The following GPR63 variants were observed in gnomAD, a reference collection of about 807,000 sequenced individuals.
GPR63 encodes the protein probable G protein-coupled receptor 63.
A neutral mutation model predicts 23.1 loss-of-function variants in GPR63; 12 were observed. The ratio of observed to expected loss-of-function variants is 0.52; its 90% CI spans 0.33 to 0.84. The LOEUF is 0.84. Ranked by LOEUF, GPR63 falls within the 40% of genes least tolerant of loss-of-function variation. The pLI is 0.02. For synonymous variants in GPR63, 172 were observed against 191.1 expected, an observed-to-expected ratio of 0.90 and a Z score of 0.82; for missense variants, 472 against 515.6, an observed-to-expected ratio of 0.92 and a Z score of 0.82.
intron 1 of GPR63, among the ~76,000 whole-genome samples, chr6:96,810,600 G>A (rs1774018068): frequency 6.6e-6 from 1 of 151,616 alleles, no homozygotes; most frequent in Admixed American, 6.6e-5. Flanking sequence ...AATAGTGACA[G>A]CAGAGAATGT....
At chr6:96,832,706 G>A (rs1774619856) in intron 1 of GPR63, among the ~76,000 whole-genome samples, 1 of 151,890 alleles carries the variant, frequency 6.6e-6, no homozygotes, top group African/African-American at 2.4e-5. Flanking sequence ...ATATTTGGGT[G>A]ATGAAATAAT....
chr6:96,836,849 T>C (rs1455696481), intron 1 of GPR63, among the ~76,000 whole-genome samples: 1 of 152,068 alleles, frequency 6.6e-6, no homozygotes, highest in Non-Finnish European at 1.5e-5. Context: ...GACCACCGTG[T>C]AAAAGTTCAA....
chr6:96,800,170 A>G (rs549920992), intron 1 of GPR63, among the ~76,000 whole-genome samples: 6 of 152,352 alleles, frequency 3.9e-5, no homozygotes, highest in African/African-American at 1.4e-4. Context: ...TAATTTTTAA[A>G]ATATTTCCAG....
In GPR63 at chr6:96,798,578, A is replaced by C; in HGVS notation, c.1154T>G (p.Met385Arg). The part of the protein sequence containing the change: ...IKKFHDACLD[M>R]MPKSFKFLPQ... ...CAAAAACTTGAAGGACTTAGGCATCATGTCCAGGCAAGCATCATGGAATTT... is the reference window on the plus strand; with the variant it reads ...CAAAAACTTGAAGGACTTAGGCATCCTGTCCAGGCAAGCATCATGGAATTT... The change falls in exon 2 of 2, where the codon ATG becomes AGG. Residue 385 changes from methionine to arginine, a missense_variant. Transcript: ENST00000229955. 6.2e-7 allele frequency: 1 copy of C among 1,614,220 alleles called. No homozygotes were observed. The highest frequency in any genetic ancestry group is 8.5e-7 in the Non-Finnish European group (1 of 1,180,040).
rs1265290976 is a variant in GPR63, at chr6:96,797,252, T to C, written c.*1220A>G. The C allele has an allele frequency of 6.6e-6, 1 of 152,184 alleles. No individual in the cohort carries two copies. The highest frequency in any genetic ancestry group is 1.5e-5 in the Non-Finnish European group (1 of 68,034). 9.4% of individuals were successfully genotyped at this position (152,184 alleles called of 1,614,324 possible). A position where few individuals can be genotyped will look rare whatever the true frequency, so the allele number is the denominator to read the frequency against. On this transcript the variant is annotated 3_prime_UTR_variant, in exon 2 of 2. Transcript: ENST00000229955. Reference sequence around the variant, plus strand: ...AAAAACAAAAAGTGGTTGTAAGTGATTTTATTTTTTCTTTTCTATTTTCCA... The same window carrying C: ...AAAAACAAAAAGTGGTTGTAAGTGACTTTATTTTTTCTTTTCTATTTTCCA...
chr6:96,811,080 G>C (rs112060387), intron 1 of GPR63, among the ~76,000 whole-genome samples: 1 of 152,098 alleles, frequency 6.6e-6, no homozygotes, highest in South Asian at 2.1e-4. Flanking sequence ...GCAGGACCTG[G>C]GTTCAAGCTT....
At position 96,825,931 on chromosome 6, in the gene GPR63, G is replaced by C. The variant is rs559375080; in HGVS notation, c.-151+11337C>G. The stretch of plus-strand genomic sequence containing the variant: ...TAACTAACTGTTCATCATAACCAAG[G>C]CTGCATCCACATCACCATATCATGT... On this transcript the variant is annotated intron_variant, in intron 1 of 1. Transcript: ENST00000229955. 2.0e-5 allele frequency among the ~76,000 whole-genome samples: 3 copies of C among 151,640 alleles called. No individual in the cohort carries two copies. The South Asian group carries it at 6.2e-4, about 32-fold the overall frequency.
At chr6:96,810,873 T>C (rs1774025329) in intron 1 of GPR63, among the ~76,000 whole-genome samples, 1 of 152,218 alleles carries the variant, frequency 6.6e-6, no homozygotes, top group African/African-American at 2.4e-5. Context: ...ATATTGATCT[T>C]GTACTATTCT....
intron 1 of GPR63, among the ~76,000 whole-genome samples, chr6:96,819,952 G>A (rs1298756314): frequency 8.1e-6 from 1 of 123,090 alleles, no homozygotes; most frequent in African/African-American, 3.3e-5. Flanking sequence ...TCCAGCCTGG[G>A]CAACACAGCG....
chr6:96,815,014 G>T (rs1774128717), intron 1 of GPR63, among the ~76,000 whole-genome samples: 1 of 152,164 alleles, frequency 6.6e-6, no homozygotes, highest in African/African-American at 2.4e-5. Flanking sequence ...CAAACACTAT[G>T]GATAAACTAT....
chr6:96,805,872 T>G (rs896084050), intron 1 of GPR63, among the ~76,000 whole-genome samples: 1 of 152,240 alleles, frequency 6.6e-6, no homozygotes, highest in African/African-American at 2.4e-5. Context: ...TCTTTGGCTT[T>G]GTACAAAACA....
intron 1 of GPR63, among the ~76,000 whole-genome samples, chr6:96,823,609 T>C (rs6568620): frequency 0.36 from 54,742 of 151,928 alleles, 10,428 homozygotes; most frequent in African/African-American, 0.48. Context: ...AATTTAGTGT[T>C]ACCTAGGTAT....
intron 1 of GPR63, among the ~76,000 whole-genome samples, chr6:96,831,381 A>G (rs1483959744): frequency 6.6e-6 from 1 of 151,732 alleles, no homozygotes; most frequent in African/African-American, 2.4e-5. Context: ...GCACTAGACA[A>G]TCAGGTCTGG....
rs532866431 is a variant in GPR63 at position 96,798,128 on chromosome 6, G to A, written c.*344C>T. 9.4e-5 allele frequency: 19 copies of A among 202,400 alleles called. No homozygotes were observed. The highest frequency in any genetic ancestry group is 1.8e-4 in the Non-Finnish European group (18 of 98,496). The allele number at this position is 202,400 out of a possible 1,614,324, so 12.5% of individuals were successfully genotyped here. On this transcript the variant is annotated 3_prime_UTR_variant, in exon 2 of 2. Transcript: ENST00000229955. ...AAACTCAAATAAGCATACCTTAGCA[G>A]CACACGAAACACCTACAATTCAATG...
At chr6:96,831,890 G>A (rs1323082513) in intron 1 of GPR63, among the ~76,000 whole-genome samples, 2 of 151,302 alleles carry the variant, frequency 1.3e-5, no homozygotes, top group African/African-American at 2.4e-5. Flanking sequence ...TGGGCAACAC[G>A]GTGAGACTCT....
At chr6:96,822,666 T>C (rs773959104) in intron 1 of GPR63, among the ~76,000 whole-genome samples, 5 of 152,204 alleles carry the variant, frequency 3.3e-5, no homozygotes, top group Non-Finnish European at 2.9e-5. Context: ...AAGCACCTGC[T>C]CTAAGCCAGC....
At chr6:96,809,230 C>T (rs976770215) in intron 1 of GPR63, among the ~76,000 whole-genome samples, 1 of 152,122 alleles carries the variant, frequency 6.6e-6, no homozygotes, top group Non-Finnish European at 1.5e-5. Context: ...CCATCTCTAA[C>T]CCCTCTAGGA....
intron 1 of GPR63, among the ~76,000 whole-genome samples, 194 bp from the exon 2 acceptor site, chr6:96,800,075 T>C (rs1486356837): frequency 1.3e-5 from 2 of 152,218 alleles, no homozygotes; most frequent in Non-Finnish European, 2.9e-5. Flanking sequence ...TGGTGGAAAT[T>C]TCATGACATT....
intron 1 of GPR63, among the ~76,000 whole-genome samples, chr6:96,807,855 C>T (rs117355664): frequency 0.014 from 2,182 of 152,204 alleles, 18 homozygotes; most frequent in Non-Finnish European, 0.021. Context: ...AAAAATTCCA[C>T]GGCAACTATG....
Sources: gnomAD v4.1 joint callset for allele counts (sites outside exome capture counted in the v4.1 genomes callset) on GRCh38, gnomAD v4.1.1 for gene constraint, MANE v1.5 for transcripts, NCBI Gene and HGNC (gene_info 2026-07-23, HGNC 2026-07-21) for gene names.